PKD2: variants seen among roughly 807,000 people sequenced by gnomAD.
The protein encoded by PKD2 is polycystin-2.
PKD2 carries 48 observed loss-of-function variants against 105.9 expected under a neutral mutation model. That is an observed-to-expected ratio of 0.45 (90% CI 0.36 to 0.58). The LOEUF is 0.58. PKD2 is among the 20% of genes least tolerant of loss of function. The pLI is 0.00. For missense variants in PKD2, 1,078 were observed against 1,255.3 expected (o/e 0.86, Z 2.13); for synonymous variants, 464 against 481.1 (o/e 0.96, Z 0.46).
chr4:88,048,218 TG>T (rs1481164812), intron 6 of PKD2, among the ~76,000 whole-genome samples: 1 of 152,238 alleles, frequency 6.6e-6, no homozygotes, highest in African/African-American at 2.4e-5. Flanking sequence ...CAGTAAATGA[TG>T]CACTACCCTA....
Position 88,074,897 on chromosome 4 carries a change from A to G in PKD2, c.2608A>G (p.Met870Val), listed in dbSNP as rs1166020400. The change falls in exon 14 of 15, where the codon ATG becomes GTG. Residue 870 changes from methionine to valine, a missense_variant. Met to Val is a conservative substitution (Grantham distance 21, BLOSUM62 1). Around this residue, in one of 2 missense-constraint regions of PKD2, gnomAD observed 868 missense variants for 1,067.3 expected, o/e 0.81. Transcript: ENST00000237596. The stretch of plus-strand genomic sequence containing the variant: ...CGCCGTGATCGTGAAGCTAGAGATT[A>G]TGGAGCGAGCCAAACTGAAGAGGAG... ...IDAVIVKLEI[M>V]ERAKLKRREV... 2 of 1,614,064 alleles carry G rather than the reference A, an allele frequency of 1.2e-6. No individual in the cohort carries two copies. Among genetic ancestry groups the G allele is most frequent in the Non-Finnish European group, 8.5e-7 (1 of 1,180,038 alleles).
chr4:88,056,307 G>C, intron 8 of PKD2, 40 bp downstream of exon 8: 1 of 1,228,084 alleles, frequency 8.1e-7, no homozygotes, highest in Non-Finnish European at 1.2e-6. Flanking sequence ...TTTAATCAGA[G>C]TTGTCACTGC....
chr4:88,036,488 G>T, intron 3 of PKD2, 135 bp downstream of exon 3: 1 of 1,474,896 alleles, frequency 6.8e-7, no homozygotes, highest in East Asian at 2.4e-5. Flanking sequence ...ATGGTGAGTT[G>T]TTAGAAGTTA....
chr4:88,012,593 T>C (rs147428692), intron 1 of PKD2, among the ~76,000 whole-genome samples: 4 of 152,290 alleles, frequency 2.6e-5, no homozygotes, highest in Non-Finnish European at 4.4e-5. Flanking sequence ...ATTTTAACCA[T>C]TTTAAGTATA....
intron 1 of PKD2, among the ~76,000 whole-genome samples, chr4:88,012,671 C>T (rs922686907): frequency 6.6e-5 from 10 of 151,884 alleles, no homozygotes; most frequent in Non-Finnish European, 1.5e-4. Context: ...ATTTCCAGAA[C>T]TTTTTTATCA....
At chr4:88,047,175 G>A (rs1473351186) in intron 6 of PKD2, among the ~76,000 whole-genome samples, 1 of 150,430 alleles carries the variant, frequency 6.6e-6, no homozygotes, top group African/African-American at 2.4e-5. Context: ...TTTTTTCTTT[G>A]TTTTTTTTTC....
chr4:88,065,448 A>G lies in PKD2; in HGVS notation c.2193A>G (p.Gln731=). 1.9e-6 allele frequency: 3 copies of G among 1,613,704 alleles called. No individual in the cohort carries two copies. The highest frequency in any genetic ancestry group is 2.5e-6 in the Non-Finnish European group (3 of 1,179,586). ...TVDDISESLR[Q]GGGKLNFDEL... ...ATGACATTTCAGAGAGTCTGCGGCA[A>G]GGAGGAGGCAAGTTAAACTTTGACG... Residue 731 remains glutamine, a synonymous_variant, in exon 11 of 15, where the codon CAA becomes CAG. Coordinates refer to ENST00000237596, the MANE Select transcript of PKD2 (RefSeq NM_000297.4).
chr4:88,052,287 G>T, intron 7 of PKD2, 129 bp downstream of exon 7: 1 of 677,666 alleles, frequency 1.5e-6, no homozygotes, highest in South Asian at 1.8e-5. Context: ...TATTTACTTT[G>T]AGACAGGGTC....
intron 2 of PKD2, among the ~76,000 whole-genome samples, chr4:88,032,377 G>C (rs150269109): frequency 2.0e-3 from 302 of 152,314 alleles, no homozygotes; most frequent in African/African-American, 6.9e-3. Context: ...TAAGGCACCA[G>C]TATCGGCCAG....
chr4:88,075,729 G>T lies in PKD2; in HGVS notation c.*35G>T. On this transcript the variant is annotated 3_prime_UTR_variant, in exon 15 of 15. Coordinates refer to ENST00000237596, the MANE Select transcript of PKD2 (RefSeq NM_000297.4). ...TTCAGTATGTGTGTTTCTAATAAGTGAGGAAGTGGCTGTCCTGAATTGCTG... is the reference window on the plus strand; with the variant it reads ...TTCAGTATGTGTGTTTCTAATAAGTTAGGAAGTGGCTGTCCTGAATTGCTG... 1 of 1,473,606 alleles carries T rather than the reference G, an allele frequency of 6.8e-7. No homozygotes were observed. Among genetic ancestry groups the T allele is most frequent in the South Asian group, 1.1e-5 (1 of 88,334 alleles). 91.3% of individuals were successfully genotyped at this position (1,473,606 alleles called of 1,614,324 possible).
intron 13 of PKD2, among the ~76,000 whole-genome samples, chr4:88,070,570 T>C: frequency 8.2e-6 from 1 of 122,646 alleles, no homozygotes; most frequent in East Asian, 2.3e-4. Flanking sequence ...TTTATTTATT[T>C]ATTTTATATA....
chr4:88,069,455 G>A (rs1448372466), intron 13 of PKD2, among the ~76,000 whole-genome samples: 1 of 151,338 alleles, frequency 6.6e-6, no homozygotes, highest in African/African-American at 2.4e-5. Flanking sequence ...GTCAGGAGTT[G>A]CTCTAAGACT....
At chr4:88,050,305 T>C (rs1720018030) in intron 6 of PKD2, among the ~76,000 whole-genome samples, 1 of 152,142 alleles carries the variant, frequency 6.6e-6, no homozygotes, top group Non-Finnish European at 1.5e-5. Context: ...GAGTGTTTTC[T>C]GAGCACCTAC....
At chr4:88,035,452 C>T (rs1198131034) in intron 2 of PKD2, among the ~76,000 whole-genome samples, 1 of 152,074 alleles carries the variant, frequency 6.6e-6, no homozygotes, top group Non-Finnish European at 1.5e-5. Flanking sequence ...GTTAAGAGAA[C>T]CAACAAGGGG....
intron 13 of PKD2, among the ~76,000 whole-genome samples, chr4:88,070,593 T>TAGAGAGAG (rs1231949190): frequency 9.2e-5 from 10 of 108,474 alleles, no homozygotes; most frequent in African/African-American, 2.5e-4. Context: ...TATATATATA[T>TAGAGAGAG]ATATATATAG....
At chr4:88,062,126 A>G (rs1720598862) in intron 10 of PKD2, 122 bp downstream of exon 10, 3 of 648,846 alleles carry the variant, frequency 4.6e-6, no homozygotes, top group Non-Finnish European at 2.9e-6. Flanking sequence ...ATACATTGCT[A>G]TATTTCAGGA....
At position 88,043,584 on chromosome 4, in the gene PKD2, G is replaced by C. The variant is rs1157605539; in HGVS notation, c.1319+127G>C. The C allele has an allele frequency of 1.2e-5, 8 of 661,468 alleles. No individual in the cohort carries two copies. The Admixed American group carries it at 2.1e-4, about 17-fold the overall frequency. 41.0% of individuals were successfully genotyped at this position (661,468 alleles called of 1,614,324 possible). A position where few individuals can be genotyped will look rare whatever the true frequency, so the allele number is the denominator to read the frequency against. On this transcript the variant is annotated intron_variant, in intron 5 of 14. Coordinates refer to ENST00000237596, the MANE Select transcript of PKD2 (RefSeq NM_000297.4). ...AGGATGCCAAGGACCCAGACGGATAGCAAGGGAGGGGTAAAAACTGAAGGC... is the reference window on the plus strand; with the variant it reads ...AGGATGCCAAGGACCCAGACGGATACCAAGGGAGGGGTAAAAACTGAAGGC...
At position 88,008,140 on chromosome 4, in the gene PKD2, C is replaced by T. The variant is rs1726245491; in HGVS notation, c.407C>T (p.Ala136Val). 1.3e-6 allele frequency: 2 copies of T among 1,486,446 alleles called. No individual in the cohort carries two copies. Among genetic ancestry groups the T allele is most frequent in the Admixed American group, 2.2e-5 (1 of 46,208 alleles). 92.1% of individuals were successfully genotyped at this position (1,486,446 alleles called of 1,614,324 possible). ...TCCTCGGCCGTGAGCTCCGTGGGCG[C>T]GCGGAGCCGGGGGCTTGGGGGCTAC... ...AASSAVSSVGARSRGLGGYHG... is the reference protein window; with the variant it reads ...AASSAVSSVGVRSRGLGGYHG... Residue 136 changes from alanine to valine, a missense_variant, in exon 1 of 15, where the codon GCG (alanine) becomes GTG (valine). Physicochemically the swap from Ala to Val is moderately conservative, Grantham distance 64 (BLOSUM62 0). This residue lies in a region of PKD2 where 868 missense variants were observed against 1,067.3 expected (regional missense o/e 0.81). Transcript: ENST00000237596.
chr4:88,036,247 T>C lies in PKD2; in HGVS notation c.737T>C (p.Val246Ala). ...ILTYGMMSSN[V>A]YYYTRMMSQL... ...ACCTACGGCATGATGAGCTCCAATG[T>C]GTACTACTACACCCGGATGATGTCA... The change falls in exon 3 of 15, where the codon GTG (valine) becomes GCG (alanine). Residue 246 changes from valine (V) to alanine (A), a missense_variant. Val to Ala is a moderately conservative substitution (Grantham distance 64). Transcript: ENST00000237596. 2.5e-6 allele frequency: 4 copies of C among 1,613,846 alleles called. No homozygotes were observed. Among genetic ancestry groups the C allele is most frequent in the Middle Eastern group, 1.7e-4 (1 of 6,060 alleles).
Sources: allele counts gnomAD v4.1 joint callset (sites outside exome capture counted in the v4.1 genomes callset), GRCh38; gene constraint gnomAD v4.1.1; regional missense constraint gnomAD v4.1.1; transcripts MANE v1.5; gene names NCBI Gene and HGNC (gene_info 2026-07-23, HGNC 2026-07-21).